The following SULT1E1 variants were observed in gnomAD, a reference collection of about 807,000 sequenced individuals.
The protein encoded by SULT1E1 is sulfotransferase family 1E member 1, also known as sulfotransferase 1E1.
In SULT1E1, 36 loss-of-function variants were observed where a neutral mutation model predicts 33.6. The observed-to-expected ratio is 1.07, with a 90% CI of 0.82 to 1.41. The LOEUF is 1.41. Ranked by LOEUF, SULT1E1 falls within the 40% of genes most tolerant of loss-of-function variation. SULT1E1 has a pLI of 0.00. For missense variants in SULT1E1, 371 were observed against 345.7 expected (o/e 1.07, Z -0.58); for synonymous variants, 121 against 111.7 (o/e 1.08, Z -0.53).
At chr4:69,829,990 G>A in the SULT1E1 span, among the ~76,000 whole-genome samples, 2 of 152,278 alleles carry the variant, frequency 1.3e-5, no homozygotes, top group African/African-American at 4.8e-5. Context: ...CCTGGGTGTG[G>A]TATCCCCCTG....
chr4:69,853,341 TC>T (rs1721165663), intron 4 of SULT1E1, among the ~76,000 whole-genome samples: 1 of 152,150 alleles, frequency 6.6e-6, no homozygotes, highest in South Asian at 2.1e-4. Flanking sequence ...TGTCTATTAC[TC>T]CTCATTACCA....
chr4:69,830,259 C>A, the SULT1E1 span, among the ~76,000 whole-genome samples: 1 of 152,212 alleles, frequency 6.6e-6, no homozygotes, highest in Non-Finnish European at 1.5e-5. Context: ...TCCCTCTTTG[C>A]CTCCTGATTT....
chr4:69,836,696 T>C (rs997176535), downstream of SULT1E1, among the ~76,000 whole-genome samples: 2 of 152,196 alleles, frequency 1.3e-5, no homozygotes, highest in African/African-American at 4.8e-5. Context: ...ATTTCAAAAG[T>C]AAAACATATA....
At chr4:69,856,226 A>C (rs1186683331) in intron 2 of SULT1E1, among the ~76,000 whole-genome samples, 4 of 152,220 alleles carry the variant, frequency 2.6e-5, no homozygotes, top group African/African-American at 7.2e-5. Context: ...CAAAGGGTCT[A>C]TCTGAAGAGA....
Position 69,855,418 on chromosome 4 carries a change from A to C in SULT1E1, c.154T>G (p.Trp52Gly). ...IATYPKSGTT[W>G]VSEIVYMIYK... is the part of the protein sequence containing the mutation. Reference sequence around the variant, plus strand: ...ATCATATACACAATTTCACTAACCCAGGTTGTACCTGTAAAAATTAAATAA... The same window carrying C: ...ATCATATACACAATTTCACTAACCCCGGTTGTACCTGTAAAAATTAAATAA... The change falls in exon 3 of 8, where the codon TGG becomes GGG. Residue 52 changes from tryptophan (W) to glycine (G), a missense_variant. By Grantham distance (184) the Trp-to-Gly change is radical (BLOSUM62 -2). Transcript: ENST00000226444. 6.2e-7 allele frequency: 1 copy of C among 1,608,046 alleles called. No homozygotes were observed. The highest frequency in any genetic ancestry group is 8.5e-7 in the Non-Finnish European group (1 of 1,177,260).
At chr4:69,831,767 A>T in the SULT1E1 span, among the ~76,000 whole-genome samples, 1 of 152,000 alleles carries the variant, frequency 6.6e-6, no homozygotes, top group Non-Finnish European at 1.5e-5. Flanking sequence ...TATTCCCACC[A>T]CGGATGCTGC....
chr4:69,848,731 A>T (rs936988870), intron 5 of SULT1E1, among the ~76,000 whole-genome samples: 1 of 151,992 alleles, frequency 6.6e-6, no homozygotes, highest in African/African-American at 2.4e-5. Flanking sequence ...CAATATTATC[A>T]TCTGTGGATA....
chr4:69,822,843 T>C, the SULT1E1 span, among the ~76,000 whole-genome samples: 3 of 152,124 alleles, frequency 2.0e-5, no homozygotes, highest in South Asian at 2.1e-4. Flanking sequence ...GGGAGATGTT[T>C]AGAAGAATAT....
chr4:69,822,108 T>C, the SULT1E1 span, among the ~76,000 whole-genome samples: 11 of 152,222 alleles, frequency 7.2e-5, no homozygotes, highest in Non-Finnish European at 1.0e-4. Flanking sequence ...CATTACTTTT[T>C]ATTAAACTAA....
rs998478398 is a variant in SULT1E1 at position 69,841,263 on chromosome 4, C to T, written c.*731G>A. 2 of 151,976 alleles carry T rather than the reference C, an allele frequency of 1.3e-5. No individual in the cohort carries two copies. The highest frequency in any genetic ancestry group is 4.8e-5 in the African/African-American group (2 of 41,372). The allele number at this position is 151,976 out of a possible 1,614,324, so 9.4% of individuals were successfully genotyped here. On this transcript the variant is annotated 3_prime_UTR_variant, in exon 8 of 8. Coordinates refer to ENST00000226444, the MANE Select transcript of SULT1E1 (RefSeq NM_005420.3). ...ATACAACTCTAACAAGATGAATAAT[C>T]TGTGTTACTACATCATTCCCATAGG...
At position 69,855,413 on chromosome 4, in the gene SULT1E1, A is replaced by G. The variant is rs1193006891; in HGVS notation, c.159T>C (p.Val53=). The change falls in exon 3 of 8, where the codon GTT becomes GTC. Residue 53 remains valine (V), a synonymous_variant. Coordinates refer to ENST00000226444, the MANE Select transcript of SULT1E1 (RefSeq NM_005420.3). ...ATYPKSGTTW[V]SEIVYMIYKE... ...TATAGATCATATACACAATTTCACT[A>G]ACCCAGGTTGTACCTGTAAAAATTA... The G allele has an allele frequency of 4.3e-6, 7 of 1,610,798 alleles. No homozygotes were observed. In the African/African-American group the frequency reaches 9.4e-5, roughly 22 times the overall value.
chr4:69,831,563 G>C, the SULT1E1 span, among the ~76,000 whole-genome samples: 2 of 152,086 alleles, frequency 1.3e-5, no homozygotes, highest in African/African-American at 2.4e-5. Context: ...AACCTTTGGG[G>C]GGTCAGTTTA....
chr4:69,855,427 C>T lies in SULT1E1; in HGVS notation c.146-1G>A, dbSNP rs767330899. 8 of 1,605,758 alleles carry T rather than the reference C, an allele frequency of 5.0e-6. No homozygotes were observed. The highest frequency in any genetic ancestry group is 1.3e-5 in the African/African-American group (1 of 74,466). ...ACAATTTCACTAACCCAGGTTGTAC[C>T]TGTAAAAATTAAATAAACCTGAGTC... On this transcript the variant is annotated splice_acceptor_variant, in intron 2 of 7. Coordinates refer to ENST00000226444, the MANE Select transcript of SULT1E1 (RefSeq NM_005420.3). LOFTEE classifies it high-confidence loss of function.
downstream of SULT1E1, chr4:69,838,630 A>T (rs1560552323): frequency 2.0e-5 from 3 of 152,208 alleles, no homozygotes. Context: ...TGTTCCCTTG[A>T]AAATGGTAGC....
At chr4:69,821,280 C>T in the SULT1E1 span, among the ~76,000 whole-genome samples, 4 of 152,134 alleles carry the variant, frequency 2.6e-5, no homozygotes, top group South Asian at 8.3e-4. Flanking sequence ...CGGTTTATCA[C>T]TGTAATAAAT....
At chr4:69,824,331 C>T in the SULT1E1 span, among the ~76,000 whole-genome samples, 1 of 152,070 alleles carries the variant, frequency 6.6e-6, no homozygotes, top group African/African-American at 2.4e-5. Context: ...GGTTAGGATC[C>T]CTATGGCCAT....
At chr4:69,847,671 G>C in intron 6 of SULT1E1, 27 bp downstream of exon 6, 1 of 1,426,426 alleles carries the variant, frequency 7.0e-7, no homozygotes, top group Non-Finnish European at 9.7e-7. Context: ...AAATTACCAA[G>C]TTGCTTATGT....
intron 3 of SULT1E1, 53 bp downstream of exon 3, chr4:69,855,248 A>C: frequency 3.2e-6 from 5 of 1,566,804 alleles, no homozygotes; most frequent in Non-Finnish European, 4.3e-6. Flanking sequence ...TACCATGTAC[A>C]TACACACCTT....
the SULT1E1 span, among the ~76,000 whole-genome samples, chr4:69,821,182 T>C: frequency 1.3e-5 from 2 of 152,186 alleles, no homozygotes; most frequent in African/African-American, 4.8e-5. Flanking sequence ...GTTAAAACAC[T>C]GTTTTTTAAT....
Sources: allele counts gnomAD v4.1 joint callset (sites outside exome capture counted in the v4.1 genomes callset), GRCh38; gene constraint gnomAD v4.1.1; transcripts MANE v1.5; gene names NCBI Gene and HGNC (gene_info 2026-07-23, HGNC 2026-07-21).